Variants in AGBL1 observed in about 807,000 individuals in gnomAD.
AGBL1 encodes cytosolic carboxypeptidase 4.
Under a neutral mutation model 118.9 loss-of-function variants are expected in AGBL1, and 130 were observed. The observed-to-expected ratio is 1.09, with a 90% CI of 0.95 to 1.26. The LOEUF (loss-of-function observed/expected upper bound fraction) is 1.26. AGBL1 is among the 50% of genes most tolerant of loss of function. The pLI, the probability that AGBL1 is intolerant of heterozygous loss-of-function variation, is 0.00. For synonymous variants in AGBL1, 555 were observed against 478.9 expected (o/e 1.16, Z -2.08); for missense variants, 1,584 against 1,298.1 (o/e 1.22, Z -3.38).
intron 22 of AGBL1, among the ~76,000 whole-genome samples, chr15:86,752,448 C>G (rs1254343201): frequency 6.6e-6 from 1 of 152,050 alleles, no homozygotes; most frequent in Non-Finnish European, 1.5e-5. Context: ...AAAGGGATTT[C>G]TAGGTTCTTC....
chr15:86,509,089 A>G (rs28695407), intron 18 of AGBL1, among the ~76,000 whole-genome samples: 2 of 152,208 alleles, frequency 1.3e-5, no homozygotes, highest in Admixed American at 6.5e-5. Flanking sequence ...TCAAGTTTAT[A>G]CAGCAAGTGA....
At chr15:86,607,665 T>C (rs1015957729) in intron 21 of AGBL1, among the ~76,000 whole-genome samples, 4 of 152,218 alleles carry the variant, frequency 2.6e-5, no homozygotes, top group African/African-American at 9.6e-5. Flanking sequence ...AATGACTTAC[T>C]ATGTTGAACA....
At chr15:86,256,828 C>G (rs753791792) in intron 7 of AGBL1, 25 bp from the exon 8 acceptor site, 6 of 1,612,222 alleles carry the variant, frequency 3.7e-6, no homozygotes, top group Non-Finnish European at 5.1e-6. Flanking sequence ...ATGTTGGCAT[C>G]TGATATAATC....
chr15:86,922,888 G>A (rs1596638117), intron 23 of AGBL1, among the ~76,000 whole-genome samples: 1 of 152,296 alleles, frequency 6.6e-6, no homozygotes, highest in East Asian at 1.9e-4. Context: ...GACTGGTTTA[G>A]GAAACTAGGA....
At chr15:86,249,542 C>CAG (rs2078774853) in intron 7 of AGBL1, among the ~76,000 whole-genome samples, 1 of 152,112 alleles carries the variant, frequency 6.6e-6, no homozygotes, top group African/African-American at 2.4e-5. Flanking sequence ...TTCTATTTCT[C>CAG]GACATGAAGC....
intron 5 of AGBL1, among the ~76,000 whole-genome samples, chr15:86,204,104 G>T (rs1170511813): frequency 6.6e-6 from 1 of 152,166 alleles, no homozygotes; most frequent in Non-Finnish European, 1.5e-5. Flanking sequence ...GAAAAAAGCA[G>T]GTGGACTGTA....
chr15:86,455,985 A>C (rs1429961851), intron 18 of AGBL1, among the ~76,000 whole-genome samples: 1 of 152,128 alleles, frequency 6.6e-6, no homozygotes, highest in African/African-American at 2.4e-5. Context: ...TTTCCTTGCA[A>C]CACGTCTGAC....
intron 3 of AGBL1, 58 bp downstream of exon 3, chr15:86,143,903 T>G: frequency 6.4e-7 from 1 of 1,574,442 alleles, no homozygotes; most frequent in South Asian, 1.2e-5. Context: ...GTTGTTATCA[T>G]GAGTGCAATT....
In AGBL1 at chr15:86,484,891, C is replaced by G. The variant is rs184711591; in HGVS notation, c.2556-37919C>G. 1.1e-4 allele frequency among the ~76,000 whole-genome samples: 17 copies of G among 152,234 alleles called. No homozygotes were observed. The East Asian group carries it at 3.3e-3, about 29-fold the overall frequency. On this transcript the variant is annotated intron_variant, in intron 18 of 22. Transcript: ENST00000614907. ...ACTGAAAAACACTTGAAATAGTTTC[C>G]CGGATTGTTCCACTCTGTTTTACCT... is the stretch of plus-strand genomic sequence containing the variant.
chr15:86,958,954 C>T (rs376125139), intron 23 of AGBL1, among the ~76,000 whole-genome samples: 118 of 152,086 alleles, frequency 7.8e-4, no homozygotes, highest in Middle Eastern at 3.4e-3. Flanking sequence ...CAGTAAGGTA[C>T]CATATATTTG....
intron 23 of AGBL1, among the ~76,000 whole-genome samples, chr15:86,977,659 T>C (rs1402999620): frequency 6.6e-6 from 1 of 152,004 alleles, no homozygotes; most frequent in African/African-American, 2.4e-5. Context: ...ATTATAATGA[T>C]AGGAAAATTA....
chr15:86,327,239 G>A (rs1432671566), intron 17 of AGBL1, among the ~76,000 whole-genome samples: 1 of 152,118 alleles, frequency 6.6e-6, no homozygotes, highest in African/African-American at 2.4e-5. Context: ...ACAAGGGAGT[G>A]GCAAAATTGG....
At chr15:86,359,951 A>C (rs2080778791) in intron 17 of AGBL1, among the ~76,000 whole-genome samples, 1 of 151,904 alleles carries the variant, frequency 6.6e-6, no homozygotes, top group Non-Finnish European at 1.5e-5. Context: ...CTGAATGTTT[A>C]GGGTTTTCTA....
At chr15:86,726,102 A>G (rs1237863080) in intron 22 of AGBL1, among the ~76,000 whole-genome samples, 1 of 152,250 alleles carries the variant, frequency 6.6e-6, no homozygotes, top group Non-Finnish European at 1.5e-5. Flanking sequence ...TTTAGAGTAC[A>G]TTGTGCTTTG....
intron 22 of AGBL1, among the ~76,000 whole-genome samples, chr15:86,775,401 G>A (rs1324679188): frequency 6.6e-6 from 1 of 152,132 alleles, no homozygotes; most frequent in East Asian, 1.9e-4. Context: ...GAAATAGCAT[G>A]CTCAGGATTA....
At chr15:86,225,604 A>T (rs1399688629) in intron 6 of AGBL1, among the ~76,000 whole-genome samples, 1 of 152,146 alleles carries the variant, frequency 6.6e-6, no homozygotes, top group African/African-American at 2.4e-5. Flanking sequence ...GTTGGGAGTC[A>T]ATTTCATGTG....
rs776018744 is a variant in AGBL1 at position 86,264,449 on chromosome 15, G to T, written c.1278G>T (p.Val426=). The stretch of plus-strand genomic sequence containing the variant: ...GGGTGAAGACGGGAAGGTCCACTGT[G>T]CATCTAGGCTCCAAAAAAAATCCTG... The part of the protein sequence containing the change: ...LCRVKTGRST[V]HLGSKKNPGV... Residue 426 remains valine (V), a synonymous_variant, in exon 11 of 23, where the codon GTG becomes GTT. Transcript: ENST00000614907. The T allele has an allele frequency of 3.1e-6, 5 of 1,613,878 alleles. No individual in the cohort carries two copies. In the East Asian group the frequency reaches 1.1e-4, roughly 36 times the overall value.
intron 22 of AGBL1, among the ~76,000 whole-genome samples, chr15:86,897,701 C>T (rs1027728181): frequency 9.3e-5 from 14 of 150,066 alleles, no homozygotes; most frequent in African/African-American, 3.4e-4. Context: ...ATTATGGTTT[C>T]CATAAATTTT....
chr15:86,148,781 A>C (rs2077066049), intron 3 of AGBL1, among the ~76,000 whole-genome samples: 1 of 152,186 alleles, frequency 6.6e-6, no homozygotes, highest in Non-Finnish European at 1.5e-5. Context: ...AGAGAACGCC[A>C]CAAAGATACT....
Sources: allele counts gnomAD v4.1 joint callset (sites outside exome capture counted in the v4.1 genomes callset), GRCh38; gene constraint gnomAD v4.1.1; transcripts MANE v1.5; gene names NCBI Gene and HGNC (gene_info 2026-07-23, HGNC 2026-07-21).